Variants in ZFAND3 observed in about 807,000 individuals in gnomAD.
The protein encoded by ZFAND3 is zinc finger AN1-type containing 3, also known as AN1-type zinc finger protein 3.
ZFAND3 carries 10 observed loss-of-function variants against 29.6 expected under a neutral mutation model. The observed-to-expected ratio is 0.34, with a 90% CI of 0.21 to 0.57. The LOEUF is 0.57. Ranked by LOEUF, ZFAND3 falls within the 20% of genes least tolerant of loss-of-function variation. The pLI is 0.86. For missense variants in ZFAND3, 230 were observed against 304.5 expected (o/e 0.76, Z 1.82); for synonymous variants, 128 against 112.6 (o/e 1.14, Z -0.87).
At position 38,019,330 on chromosome 6, in the gene ZFAND3, C is replaced by T. The variant is rs188790454; in HGVS notation, c.113-42263C>T. On this transcript the variant is annotated intron_variant, in intron 2 of 5. Transcript: ENST00000287218. ...GTTGAGGTTGAACATTTTTAATACA[C>T]TTAAAGAGTAATTCAGATTTCTGTG... Among the ~76,000 whole-genome samples, 65 of 152,314 alleles carry T rather than the reference C, an allele frequency of 4.3e-4. 2 individuals carry two copies. The East Asian group carries it at 0.01, about 24-fold the overall frequency.
At chr6:37,913,889 T>C (rs1761179069) in intron 1 of ZFAND3, among the ~76,000 whole-genome samples, 1 of 151,912 alleles carries the variant, frequency 6.6e-6, no homozygotes, top group Non-Finnish European at 1.5e-5. Flanking sequence ...TTTTTTTATT[T>C]TATTTTTTCA....
chr6:37,875,462 A>G (rs1203303877), intron 1 of ZFAND3, among the ~76,000 whole-genome samples: 1 of 152,162 alleles, frequency 6.6e-6, no homozygotes, highest in Non-Finnish European at 1.5e-5. Flanking sequence ...AAGATCTTAA[A>G]AGTAAATGAT....
At chr6:38,024,585 T>G (rs1408481845) in intron 2 of ZFAND3, among the ~76,000 whole-genome samples, 1 of 151,994 alleles carries the variant, frequency 6.6e-6, no homozygotes, top group Admixed American at 6.6e-5. Flanking sequence ...ATTAAATAAA[T>G]GGTGGTATAT....
At chr6:37,822,248 T>C (rs1323624637) in intron 1 of ZFAND3, among the ~76,000 whole-genome samples, 1 of 152,234 alleles carries the variant, frequency 6.6e-6, no homozygotes, top group East Asian at 1.9e-4. Flanking sequence ...AGGGCTTCTT[T>C]TTAGATATTT....
intron 3 of ZFAND3, chr6:38,062,603 C>G (rs1391559998): frequency 6.6e-6 from 1 of 152,104 alleles, no homozygotes; most frequent in Non-Finnish European, 1.5e-5. Context: ...AACTCCTGAC[C>G]TCAAATGATC....
chr6:37,874,469 G>A lies in ZFAND3; in HGVS notation c.71+54453G>A, dbSNP rs576611956. Among the ~76,000 whole-genome samples the A allele has an allele frequency of 3.5e-5, 5 of 143,432 alleles. No individual in the cohort carries two copies. In the South Asian group the frequency reaches 1.1e-3, roughly 31 times the overall value. The allele number at this position is 143,432 out of a possible 152,430, so 94.1% of individuals were successfully genotyped here. On this transcript the variant is annotated intron_variant, in intron 1 of 5. Coordinates refer to ENST00000287218, the MANE Select transcript of ZFAND3 (RefSeq NM_021943.3). ...GGTGAGGTTGCAGTGAGCCGAGATC[G>A]TGCCATTGCACTCCAGCCTGGGCAA... is the stretch of plus-strand genomic sequence containing the variant.
intron 1 of ZFAND3, among the ~76,000 whole-genome samples, chr6:37,827,598 G>T (rs983473531): frequency 5.9e-5 from 9 of 152,352 alleles, no homozygotes; most frequent in Admixed American, 2.6e-4. Context: ...TCCAGCAGTA[G>T]TGGACAAAAC....
chr6:37,962,238 G>A (rs144786731), intron 2 of ZFAND3, among the ~76,000 whole-genome samples: 61 of 152,228 alleles, frequency 4.0e-4, no homozygotes, highest in African/African-American at 1.3e-3. Context: ...GTCTTTTAAC[G>A]GCAGAATTGA....
chr6:37,891,470 A>C (rs1765100523), intron 1 of ZFAND3, among the ~76,000 whole-genome samples: 1 of 145,060 alleles, frequency 6.9e-6, no homozygotes, highest in Non-Finnish European at 1.5e-5. Context: ...AGTGCATGCC[A>C]TGCCTGTAAT....
Position 37,819,901 on chromosome 6 carries a change from CGCCGCCACCGCT to C in ZFAND3, c.-38_-27del. 2 of 1,155,246 alleles carry C rather than the reference CGCCGCCACCGCT, an allele frequency of 1.7e-6. No homozygotes were observed. Among genetic ancestry groups the C allele is most frequent in the Middle Eastern group, 3.4e-4 (1 of 2,920 alleles). The allele number at this position is 1,155,246 out of a possible 1,614,324, so 71.6% of individuals were successfully genotyped here. A position where few individuals can be genotyped will look rare whatever the true frequency, so the allele number is the denominator to read the frequency against. ...CCTCAGAGCGGGGCCCGGGCCCAGCCGCCGCCACCGCTGCCGCCGCCGAGCTCCGCCGCCGCC... is the reference window on the plus strand; with the variant it reads ...CCTCAGAGCGGGGCCCGGGCCCAGCCGCCGCCGCCGAGCTCCGCCGCCGCC... On this transcript the variant is annotated 5_prime_UTR_variant, in exon 1 of 6. Transcript: ENST00000287218.
intron 1 of ZFAND3, among the ~76,000 whole-genome samples, chr6:37,877,192 C>T (rs745542690): frequency 6.6e-6 from 1 of 152,024 alleles, no homozygotes; most frequent in Non-Finnish European, 1.5e-5. Flanking sequence ...CAAATCATAC[C>T]ACTTCTTTCT....
intron 5 of ZFAND3, among the ~76,000 whole-genome samples, chr6:38,124,405 C>T (rs1280943781): frequency 6.6e-6 from 1 of 152,198 alleles, no homozygotes; most frequent in Non-Finnish European, 1.5e-5. Flanking sequence ...AGGCTCGGGG[C>T]TGCGCAGGAG....
intron 5 of ZFAND3, among the ~76,000 whole-genome samples, chr6:38,145,430 C>G (rs1439128944): frequency 6.6e-6 from 1 of 152,200 alleles, no homozygotes; most frequent in Non-Finnish European, 1.5e-5. Context: ...TGTTGTGGCA[C>G]CTTTGCCTAA....
intron 2 of ZFAND3, among the ~76,000 whole-genome samples, chr6:38,047,051 G>A (rs918404966): frequency 2.0e-5 from 3 of 151,906 alleles, no homozygotes; most frequent in South Asian, 2.1e-4. Context: ...GGCCAGGTGC[G>A]GTGGTTCACC....
At chr6:37,915,003 GGCA>G (rs1174752060) in intron 1 of ZFAND3, among the ~76,000 whole-genome samples, 44 of 152,166 alleles carry the variant, frequency 2.9e-4, no homozygotes, top group African/African-American at 1.1e-3. Flanking sequence ...CTGTTTCATT[GGCA>G]TTGAGAATCT....
chr6:37,909,438 C>A (rs1015998082), intron 1 of ZFAND3, among the ~76,000 whole-genome samples: 1 of 151,738 alleles, frequency 6.6e-6, no homozygotes, highest in African/African-American at 2.4e-5. Flanking sequence ...CGCCACCATG[C>A]CCAGCTAATT....
In ZFAND3 at chr6:37,970,822, G is replaced by A. The variant is rs1157408078; in HGVS notation, c.112+40823G>A. Among the ~76,000 whole-genome samples the A allele has an allele frequency of 7.2e-5, 11 of 152,226 alleles. No individual in the cohort carries two copies. In the East Asian group the frequency reaches 1.4e-3, roughly 19 times the overall value. ...TGGGAGGCTGAGATAGGAGAATGGC[G>A]TGAACCGTGGAATCAGAGCCTGCGG... On this transcript the variant is annotated intron_variant, in intron 2 of 5. Coordinates refer to ENST00000287218, the MANE Select transcript of ZFAND3 (RefSeq NM_021943.3).
chr6:37,838,360 G>A (rs967899150), intron 1 of ZFAND3, among the ~76,000 whole-genome samples: 10 of 152,146 alleles, frequency 6.6e-5, no homozygotes, highest in African/African-American at 1.9e-4. Flanking sequence ...ATAACTGTGT[G>A]TGGTTTTTAG....
intron 2 of ZFAND3, among the ~76,000 whole-genome samples, chr6:38,031,154 G>GT (rs895235470): frequency 6.6e-6 from 1 of 152,156 alleles, no homozygotes; most frequent in African/African-American, 2.4e-5. Context: ...TCACTACGTA[G>GT]TTTTTTGTTT....
Sources: allele counts gnomAD v4.1 joint callset (sites outside exome capture counted in the v4.1 genomes callset), GRCh38; gene constraint gnomAD v4.1.1; transcripts MANE v1.5; gene names NCBI Gene and HGNC (gene_info 2026-07-23, HGNC 2026-07-21).